IFT43: variants seen among roughly 807,000 people sequenced by gnomAD.
The protein encoded by IFT43 is intraflagellar transport 43.
Under a neutral mutation model 32.3 loss-of-function variants are expected in IFT43, and 33 were observed. That is an observed-to-expected ratio of 1.02 (90% CI 0.77 to 1.37). The LOEUF is 1.37. Among genes scored for constraint, IFT43 ranks in the 40% most tolerant of loss-of-function variants. IFT43 has a pLI of 0.00. For missense variants in IFT43, 274 were observed against 265.9 expected (o/e 1.03, Z -0.21); for synonymous variants, 93 against 98.2 (o/e 0.95, Z 0.31).
chr14:76,007,199 A>G (rs2035995918), intron 2 of IFT43, among the ~76,000 whole-genome samples: 1 of 152,066 alleles, frequency 6.6e-6, no homozygotes, highest in African/African-American at 2.4e-5. Context: ...GGATAGTGAA[A>G]TGTGTACTAA....
chr14:76,054,943 C>T (rs2036982707), intron 3 of IFT43, among the ~76,000 whole-genome samples: 1 of 152,228 alleles, frequency 6.6e-6, no homozygotes, highest in South Asian at 2.1e-4. Context: ...ACTTCCATAT[C>T]AGATTCTTCT....
At chr14:76,065,479 G>A (rs11622612) in intron 5 of IFT43, among the ~76,000 whole-genome samples, 51,366 of 151,998 alleles carry the variant, frequency 0.34, 8,747 homozygotes, top group African/African-American at 0.36. Context: ...AAGTTCCTCC[G>A]TGCCCCTTCC....
intron 2 of IFT43, among the ~76,000 whole-genome samples, chr14:76,021,981 T>G (rs1222601634): frequency 6.6e-6 from 1 of 152,252 alleles, no homozygotes; most frequent in Non-Finnish European, 1.5e-5. Flanking sequence ...TTGGGCGCGG[T>G]GGCTCACGCC....
intron 2 of IFT43, among the ~76,000 whole-genome samples, chr14:76,016,655 A>G (rs560949848): frequency 2.9e-4 from 44 of 152,306 alleles, no homozygotes; most frequent in African/African-American, 1.0e-3. Flanking sequence ...TAGTACAGTC[A>G]TTCTAACAAT....
At position 76,056,415 on chromosome 14, in the gene IFT43, A is replaced by G. The variant is rs550971633; in HGVS notation, c.216-2227A>G. ...GGGCTCAGCAGCAATTAAGCTGAATATTAAACTCATCCCCCTTTTGGATAT... is the reference window on the plus strand; with the variant it reads ...GGGCTCAGCAGCAATTAAGCTGAATGTTAAACTCATCCCCCTTTTGGATAT... On this transcript the variant is annotated intron_variant, in intron 3 of 8. Coordinates refer to ENST00000314067, the MANE Select transcript of IFT43 (RefSeq NM_001102564.3). Among the ~76,000 whole-genome samples the G allele has an allele frequency of 1.3e-4, 20 of 152,352 alleles. 1 individual carries two copies. The East Asian group carries it at 3.9e-3, about 29-fold the overall frequency.
At chr14:76,043,526 G>T (rs145824395) in intron 3 of IFT43, among the ~76,000 whole-genome samples, 1 of 152,174 alleles carries the variant, frequency 6.6e-6, no homozygotes, top group East Asian at 1.9e-4. Context: ...GAGTGCAGTG[G>T]TGCGATCTTG....
At chr14:76,059,241 A>C in intron 4 of IFT43, 86 bp from the exon 5 acceptor site, 1 of 1,611,386 alleles carries the variant, frequency 6.2e-7, no homozygotes, top group East Asian at 2.2e-5. Flanking sequence ...TCTAGGAGAA[A>C]GAATGGATAC....
chr14:76,017,159 A>T (rs1413770547), intron 2 of IFT43, among the ~76,000 whole-genome samples: 1 of 152,166 alleles, frequency 6.6e-6, no homozygotes, highest in Non-Finnish European at 1.5e-5. Flanking sequence ...TTCTCCATTA[A>T]GTACGATGTT....
At chr14:76,079,080 C>A (rs554994543) in intron 5 of IFT43, among the ~76,000 whole-genome samples, 39 of 152,202 alleles carry the variant, frequency 2.6e-4, no homozygotes, top group Non-Finnish European at 4.9e-4. Flanking sequence ...CGACCATGGG[C>A]AGCTGTCTCA....
chr14:76,032,905 A>G (rs1019270149), intron 3 of IFT43, among the ~76,000 whole-genome samples: 9 of 152,192 alleles, frequency 5.9e-5, no homozygotes, highest in Non-Finnish European at 8.8e-5. Flanking sequence ...CACTGCAAGG[A>G]GCCCCACTTA....
chr14:76,053,634 G>T (rs58741648), intron 3 of IFT43, among the ~76,000 whole-genome samples: 1 of 152,310 alleles, frequency 6.6e-6, no homozygotes, highest in African/African-American at 2.4e-5. Context: ...CCTGCTCCAC[G>T]AGGCGGAGGT....
intron 2 of IFT43, among the ~76,000 whole-genome samples, chr14:76,007,503 C>A (rs138042736): frequency 6.6e-6 from 1 of 152,186 alleles, no homozygotes; most frequent in Admixed American, 6.5e-5. Flanking sequence ...CTGCTCTCAG[C>A]TTGTTCCAAG....
chr14:76,073,748 A>G (rs2037363046), intron 5 of IFT43, among the ~76,000 whole-genome samples: 1 of 152,194 alleles, frequency 6.6e-6, no homozygotes, highest in Non-Finnish European at 1.5e-5. Flanking sequence ...TTGAGACACC[A>G]TCATTTAAAA....
At chr14:76,076,149 G>A (rs17183935) in intron 5 of IFT43, among the ~76,000 whole-genome samples, 1 of 152,064 alleles carries the variant, frequency 6.6e-6, no homozygotes, top group Non-Finnish European at 1.5e-5. Context: ...AAGAAATTTG[G>A]GAAGAGATTG....
Position 76,034,306 on chromosome 14 carries a change from G to A in IFT43, c.215+11912G>A, listed in dbSNP as rs117076580. ...GTCCTTAAGTGTCTTTTCTTGGTAT[G>A]TGCATGTAAGGAGTGAGATTTTATG... On this transcript the variant is annotated intron_variant, in intron 3 of 8. Transcript: ENST00000314067. 9.3e-4 allele frequency among the ~76,000 whole-genome samples: 142 copies of A among 152,262 alleles called. 3 individuals carry two copies. The East Asian group carries it at 0.021, about 23-fold the overall frequency.
chr14:76,020,036 G>A (rs370322701), intron 2 of IFT43, among the ~76,000 whole-genome samples: 6 of 151,868 alleles, frequency 4.0e-5, no homozygotes, highest in South Asian at 2.1e-4. Context: ...GTATAGTGGC[G>A]CAATCTCAGC....
intron 2 of IFT43, among the ~76,000 whole-genome samples, chr14:75,995,659 A>G (rs186440426): frequency 6.6e-6 from 1 of 152,166 alleles, no homozygotes; most frequent in East Asian, 1.9e-4. Flanking sequence ...TTTCAGCCCA[A>G]TAGGGTTATC....
At chr14:76,070,205 G>A (rs1406182166) in intron 5 of IFT43, among the ~76,000 whole-genome samples, 1 of 152,204 alleles carries the variant, frequency 6.6e-6, no homozygotes, top group African/African-American at 2.4e-5. Flanking sequence ...TTAGAAAAAT[G>A]CTATCTGTAG....
chr14:76,001,793 T>A (rs1594808182), intron 2 of IFT43, among the ~76,000 whole-genome samples: 1 of 152,322 alleles, frequency 6.6e-6, no homozygotes, highest in East Asian at 1.9e-4. Flanking sequence ...GCCTTTGTGC[T>A]GAGTAATCCC....
Sources: allele counts gnomAD v4.1 joint callset (sites outside exome capture counted in the v4.1 genomes callset), GRCh38; gene constraint gnomAD v4.1.1; transcripts MANE v1.5; gene names NCBI Gene and HGNC (gene_info 2026-07-23, HGNC 2026-07-21).